Variants in DCAF8L2 observed in about 807,000 individuals in gnomAD.
The protein encoded by DCAF8L2 is DDB1- and CUL4-associated factor 8-like protein 2.
For synonymous variants in DCAF8L2, 200 were observed against 190.9 expected (o/e 1.05, Z -0.39); for missense variants, 430 against 490.7 (o/e 0.88, Z 1.17).
the DCAF8L2 span, among the ~76,000 whole-genome samples, chrX:27,471,809 G>A: frequency 9.0e-6 from 1 of 111,232 alleles, no homozygotes; most frequent in Non-Finnish European, 1.9e-5. Flanking sequence ...TTTCTGCATT[G>A]CATTATCTAG....
the DCAF8L2 span, among the ~76,000 whole-genome samples, chrX:27,561,324 C>T: frequency 8.9e-6 from 1 of 111,746 alleles, no homozygotes; most frequent in Non-Finnish European, 1.9e-5. Flanking sequence ...GTTATTGTAC[C>T]GCATCAATCA....
chrX:27,469,464 T>C, the DCAF8L2 span, among the ~76,000 whole-genome samples: 1 of 111,737 alleles, frequency 8.9e-6, no homozygotes, highest in Non-Finnish European at 1.9e-5. Flanking sequence ...ATTTCTTCAG[T>C]ACAGTATAAG....
intron 4 of DCAF8L2, among the ~76,000 whole-genome samples, chrX:27,734,556 G>C (rs1051687867): frequency 9.8e-5 from 11 of 111,915 alleles, no homozygotes; most frequent in Non-Finnish European, 1.9e-4. Context: ...CTTTCAGCGT[G>C]TAAATGAGAG....
chrX:27,741,439 T>C (rs1287457602), intron 4 of DCAF8L2, among the ~76,000 whole-genome samples: 1 of 83,039 alleles, frequency 1.2e-5, no homozygotes, highest in Admixed American at 1.5e-4. Flanking sequence ...GCACCATGGC[T>C]TAGGAGACCT....
At chrX:27,532,610 T>A in the DCAF8L2 span, among the ~76,000 whole-genome samples, 2 of 110,452 alleles carry the variant, frequency 1.8e-5, no homozygotes, top group Admixed American at 1.9e-4. Context: ...CCAAAATCAA[T>A]GAAGGAGCCA....
At chrX:27,492,965 C>T in the DCAF8L2 span, among the ~76,000 whole-genome samples, 349 of 111,929 alleles carry the variant, frequency 3.1e-3, 1 homozygote, top group African/African-American at 0.01. Context: ...GGTGCAGTGT[C>T]TCACGCCTGT....
chrX:27,613,094 T>C (rs1197459255), intron 1 of DCAF8L2, among the ~76,000 whole-genome samples: 7 of 111,643 alleles, frequency 6.3e-5, no homozygotes, highest in Non-Finnish European at 1.1e-4. Context: ...ATGGAATGTG[T>C]TTCCGTTTGT....
the DCAF8L2 span, among the ~76,000 whole-genome samples, chrX:27,542,039 T>C: frequency 1.9e-5 from 2 of 107,858 alleles, no homozygotes; most frequent in Admixed American, 2.0e-4. Flanking sequence ...TCTCTTCTTA[T>C]GGTTGCATAG....
chrX:27,524,304 A>G, the DCAF8L2 span, among the ~76,000 whole-genome samples: 3,349 of 111,543 alleles, frequency 0.03, 125 homozygotes, highest in African/African-American at 0.1. Flanking sequence ...TAGATTTTCT[A>G]GTTTATTTGC....
chrX:27,745,514 G>A (rs1404384522), intron 4 of DCAF8L2, among the ~76,000 whole-genome samples: 1 of 111,681 alleles, frequency 9.0e-6, no homozygotes, highest in Non-Finnish European at 1.9e-5. Context: ...TTCTTGATGG[G>A]CTTTTCAGTG....
At chrX:27,598,150 T>G (rs1043543516) in intron 1 of DCAF8L2, among the ~76,000 whole-genome samples, 2 of 112,412 alleles carry the variant, frequency 1.8e-5, no homozygotes, top group Non-Finnish European at 3.8e-5. Flanking sequence ...ATTTGAAGGA[T>G]GTAGGAATTA....
chrX:27,478,149 A>G, the DCAF8L2 span, among the ~76,000 whole-genome samples: 74 of 112,259 alleles, frequency 6.6e-4, 1 homozygote, highest in Non-Finnish European at 7.7e-4. Context: ...TGTTAACTCT[A>G]TACCTCCAGG....
intron 2 of DCAF8L2, among the ~76,000 whole-genome samples, chrX:27,672,259 T>A (rs1281489680): frequency 8.9e-6 from 1 of 112,030 alleles, no homozygotes; most frequent in Non-Finnish European, 1.9e-5. Context: ...CTAAAGGTAG[T>A]CAAAGGACTG....
chrX:27,482,243 G>A, the DCAF8L2 span, among the ~76,000 whole-genome samples: 7 of 111,382 alleles, frequency 6.3e-5, no homozygotes, highest in African/African-American at 2.3e-4. Flanking sequence ...AATCTTTTAG[G>A]TTGTGGTGGT....
At chrX:27,535,557 A>G in the DCAF8L2 span, among the ~76,000 whole-genome samples, 1 of 111,342 alleles carries the variant, frequency 9.0e-6, no homozygotes, top group Non-Finnish European at 1.9e-5. Flanking sequence ...AGCTGTTTAC[A>G]GCCTTGCCTC....
chrX:27,548,904 G>A, the DCAF8L2 span, among the ~76,000 whole-genome samples: 1 of 111,503 alleles, frequency 9.0e-6, no homozygotes, highest in Non-Finnish European at 1.9e-5. Flanking sequence ...GTCAGCTTTC[G>A]GGGCTTAATT....
the DCAF8L2 span, among the ~76,000 whole-genome samples, chrX:27,557,279 T>C: frequency 8.9e-6 from 1 of 112,296 alleles, no homozygotes; most frequent in Non-Finnish European, 1.9e-5. Context: ...CCAACAACTT[T>C]TAGTGTAGTC....
chrX:27,720,456 C>T (rs1276036374), intron 4 of DCAF8L2, among the ~76,000 whole-genome samples: 1 of 110,815 alleles, frequency 9.0e-6, no homozygotes. Context: ...TCACTGCAAG[C>T]TCTGCCTCCT....
At chrX:27,684,878 AG>A (rs1930449248) in intron 3 of DCAF8L2, among the ~76,000 whole-genome samples, 1 of 111,653 alleles carries the variant, frequency 9.0e-6, no homozygotes, top group Admixed American at 9.5e-5. Flanking sequence ...GATCTTTTGT[AG>A]GCCAGCTCAG....
Sources: allele counts gnomAD v4.1 joint callset (sites outside exome capture counted in the v4.1 genomes callset), GRCh38; gene constraint gnomAD v4.1.1; transcripts MANE v1.5; gene names NCBI Gene and HGNC (gene_info 2026-07-23, HGNC 2026-07-21).